The following ROBO2 variants were observed in gnomAD, a reference collection of about 807,000 sequenced individuals.
ROBO2 encodes the protein roundabout homolog 2.
ROBO2 carries 53 observed loss-of-function variants against 160.8 expected under a neutral mutation model. The observed-to-expected ratio is 0.33, with a 90% CI of 0.26 to 0.41. ROBO2 has a LOEUF of 0.41. Ranked by LOEUF, ROBO2 falls within the 10% of genes least tolerant of loss-of-function variation. The probability of loss-of-function intolerance (pLI) is 1.00; values close to 1 mark genes in which losing one functional copy is unlikely to be tolerated. For synonymous variants in ROBO2, 664 were observed against 611.7 expected, an observed-to-expected ratio of 1.09 and a Z score of -1.26; for missense variants, 1,577 against 1,722.4, an observed-to-expected ratio of 0.92 and a Z score of 1.49.
At chr3:77,018,219 C>T (rs2062405573) in intron 2 of ROBO2, among the ~76,000 whole-genome samples, 1 of 152,142 alleles carries the variant, frequency 6.6e-6, no homozygotes, top group South Asian at 2.1e-4. Flanking sequence ...TCTCCTGCCT[C>T]AGCCTCCCAA....
chr3:77,387,872 A>G (rs1289100870), intron 2 of ROBO2, among the ~76,000 whole-genome samples: 1 of 152,070 alleles, frequency 6.6e-6, no homozygotes, highest in Non-Finnish European at 1.5e-5. Context: ...TGGCCATACC[A>G]TTCTTCATTC....
intron 2 of ROBO2, among the ~76,000 whole-genome samples, chr3:76,043,280 C>T (rs1184295456): frequency 6.6e-6 from 1 of 151,822 alleles, no homozygotes; most frequent in Non-Finnish European, 1.5e-5. Context: ...CATACTGTGC[C>T]CTGGAATAGT....
At chr3:77,458,992 T>C (rs1261512165) in intron 2 of ROBO2, among the ~76,000 whole-genome samples, 1 of 152,192 alleles carries the variant, frequency 6.6e-6, no homozygotes. Context: ...ATTGTGAGTA[T>C]TCAATTGACC....
intron 2 of ROBO2, among the ~76,000 whole-genome samples, chr3:76,721,971 G>T (rs1057084322): frequency 1.3e-5 from 2 of 152,204 alleles, no homozygotes; most frequent in Non-Finnish European, 2.9e-5. Flanking sequence ...TGTCTGCCAT[G>T]AAGAAATCAG....
At chr3:77,294,663 A>G (rs776040940) in intron 2 of ROBO2, among the ~76,000 whole-genome samples, 1 of 148,738 alleles carries the variant, frequency 6.7e-6, no homozygotes, top group Admixed American at 6.6e-5. Flanking sequence ...CCCCAGACAT[A>G]AAGTAAAATT....
intron 2 of ROBO2, among the ~76,000 whole-genome samples, chr3:76,248,592 GTAAC>G (rs766996692): frequency 1.3e-5 from 2 of 150,898 alleles, no homozygotes; most frequent in South Asian, 2.1e-4. Flanking sequence ...GTATACATAT[GTAAC>G]TAACCTGCAC....
chr3:77,013,977 C>T (rs1233070119), intron 2 of ROBO2, among the ~76,000 whole-genome samples: 3 of 152,076 alleles, frequency 2.0e-5, no homozygotes, highest in African/African-American at 4.8e-5. Flanking sequence ...ATGGTATAAA[C>T]ATATAGTCAA....
At chr3:76,775,279 A>G (rs10049482) in intron 2 of ROBO2, among the ~76,000 whole-genome samples, 2,285 of 150,784 alleles carry the variant, frequency 0.015, 54 homozygotes, top group African/African-American at 0.051. Context: ...TTATATAATT[A>G]CCTGCTTATA....
At chr3:76,257,032 C>A (rs1167474603) in intron 2 of ROBO2, among the ~76,000 whole-genome samples, 1 of 151,958 alleles carries the variant, frequency 6.6e-6, no homozygotes, top group African/African-American at 2.4e-5. Context: ...TCCCCACGAC[C>A]CAAGCCCCTC....
In ROBO2 at chr3:77,315,802, TAAAAGGC is replaced by T. The variant is rs2063930800; in HGVS notation, c.389-161605_389-161599del. On this transcript the variant is annotated intron_variant, in intron 2 of 25. Coordinates refer to ENST00000461745, the Ensembl canonical transcript of ROBO2. ...ATTTAAAAAAGAAAGAAAAGAATGA[TAAAAGGC>T]AAAAGGGTAAGTGGCTGATAAGTTT... Among the ~76,000 whole-genome samples, 5 of 152,166 alleles carry T rather than the reference TAAAAGGC, an allele frequency of 3.3e-5. No individual in the cohort carries two copies. The South Asian group carries it at 1.0e-3, about 32-fold the overall frequency.
In ROBO2 at chr3:76,462,105, TG is replaced by T. The variant is rs532159305; in HGVS notation, c.109+524504del. 2.0e-4 allele frequency among the ~76,000 whole-genome samples: 31 copies of T among 152,304 alleles called. No individual in the cohort carries two copies. In the Middle Eastern group the frequency reaches 0.01, roughly 50 times the overall value. ...ATATGTGACTCAAATAGCTCTTTTT[TG>T]CTTTTCTCAGCCTGGCTGAATCCAC... On this transcript the variant is annotated intron_variant, in intron 2 of 26. Transcript: ENST00000487694.
Position 77,376,021 on chromosome 3 carries a change from T to A in ROBO2, c.389-101393T>A, listed in dbSNP as rs374850013. 2.2e-4 allele frequency among the ~76,000 whole-genome samples: 33 copies of A among 152,206 alleles called. No individual in the cohort carries two copies. In the South Asian group the frequency reaches 6.8e-3, roughly 32 times the overall value. On this transcript the variant is annotated intron_variant, in intron 2 of 25. Coordinates refer to ENST00000461745, the Ensembl canonical transcript of ROBO2. Reference sequence around the variant, plus strand: ...CTTGAGTTTCTATGGCTCTTTGGCATCCATTGTGAGCGAGATGGACACAGT... The same window carrying A: ...CTTGAGTTTCTATGGCTCTTTGGCAACCATTGTGAGCGAGATGGACACAGT...
At chr3:76,083,020 A>G (rs1195730965) in intron 2 of ROBO2, among the ~76,000 whole-genome samples, 1 of 152,152 alleles carries the variant, frequency 6.6e-6, no homozygotes, top group East Asian at 1.9e-4. Flanking sequence ...AGGAAAGATT[A>G]AAAGAGGAGG....
At chr3:76,030,192 T>C (rs1206744507) in intron 2 of ROBO2, among the ~76,000 whole-genome samples, 9 of 152,192 alleles carry the variant, frequency 5.9e-5, no homozygotes, top group Non-Finnish European at 1.2e-4. Context: ...TCATATCCTT[T>C]GCCCACTTTT....
chr3:75,971,660 T>C (rs905059228), intron 2 of ROBO2, among the ~76,000 whole-genome samples: 1 of 151,508 alleles, frequency 6.6e-6, no homozygotes, highest in Non-Finnish European at 1.5e-5. Context: ...CAAATTCTAA[T>C]AAATTCTATA....
At chr3:76,846,345 G>A (rs767907948) in intron 2 of ROBO2, among the ~76,000 whole-genome samples, 7 of 152,188 alleles carry the variant, frequency 4.6e-5, no homozygotes, top group South Asian at 2.1e-4. Flanking sequence ...TGCTTGTAGC[G>A]TGTTGCAATG....
At chr3:77,017,185 A>T (rs925778611) in intron 2 of ROBO2, among the ~76,000 whole-genome samples, 29 of 152,358 alleles carry the variant, frequency 1.9e-4, no homozygotes, top group African/African-American at 7.0e-4. Flanking sequence ...CTAGAATGTA[A>T]GAATGTTGTC....
chr3:77,100,266 G>A lies in ROBO2; in HGVS notation c.388+1926G>A, dbSNP rs187223386. Among the ~76,000 whole-genome samples, 582 of 152,188 alleles carry A rather than the reference G, an allele frequency of 3.8e-3. 4 individuals are homozygous for A. The highest frequency in any genetic ancestry group is 0.013 in the African/African-American group (547 of 41,554). ...ATGACCTAGAGAGGAAAACAAGAAG[G>A]CTTGCAAATTGGATTAGGGAGTGAA... On this transcript the variant is annotated intron_variant, in intron 2 of 25. Transcript: ENST00000461745.
At chr3:76,285,752 G>A (rs1294829011) in intron 2 of ROBO2, among the ~76,000 whole-genome samples, 1 of 151,968 alleles carries the variant, frequency 6.6e-6, no homozygotes, top group African/African-American at 2.4e-5. Flanking sequence ...TTCAAACATC[G>A]AATTTAACCT....
Sources: gnomAD v4.1 joint callset for allele counts (sites outside exome capture counted in the v4.1 genomes callset) on GRCh38, gnomAD v4.1.1 for gene constraint, MANE v1.5 for transcripts, NCBI Gene and HGNC (gene_info 2026-07-23, HGNC 2026-07-21) for gene names.